WRNIP1: variants seen among roughly 807,000 people sequenced by gnomAD.
The protein encoded by WRNIP1 is WRN helicase interacting protein 1.
A neutral mutation model predicts 56.1 loss-of-function variants in WRNIP1; 41 were observed. The ratio of observed to expected loss-of-function variants is 0.73; its 90% CI spans 0.57 to 0.95. The LOEUF is 0.95. Among genes scored for constraint, WRNIP1 ranks in the 40% least tolerant of loss-of-function variants. WRNIP1 has a pLI of 0.00. For missense variants in WRNIP1, 1,170 were observed against 939.4 expected (o/e 1.25, Z -3.21); for synonymous variants, 547 against 398.1 (o/e 1.37, Z -4.45).
intron 1 of WRNIP1, 40 bp downstream of exon 1, chr6:2,766,484 C>A: frequency 6.8e-7 from 1 of 1,461,154 alleles, no homozygotes; most frequent in South Asian, 1.4e-5. Flanking sequence ...GTAGTTATCT[C>A]GGCGGTGGAT....
chr6:2,784,943 G>A (rs1033810312), intron 6 of WRNIP1, 64 bp from the exon 7 acceptor site: 49 of 1,581,278 alleles, frequency 3.1e-5, no homozygotes, highest in Non-Finnish European at 4.0e-5. Context: ...TGTATCAGAA[G>A]GGGCTCTGCA....
intron 6 of WRNIP1, 99 bp downstream of exon 6, chr6:2,784,502 T>C: frequency 8.0e-7 from 1 of 1,244,318 alleles, no homozygotes; most frequent in African/African-American, 1.5e-5. Flanking sequence ...ACCATTGGTG[T>C]ATTGGACCCA....
rs780851905 is a variant in WRNIP1, at chr6:2,785,722, A to C, written c.*440A>C. ...TTTTTTTATATGCAAAGGTCTTACG[A>C]GCCAATAAAACTATTTCAAAGTACT... On this transcript the variant is annotated 3_prime_UTR_variant, in exon 7 of 7. Transcript: ENST00000380773. The C allele has an allele frequency of 1.2e-5, 2 of 164,146 alleles. No individual in the cohort carries two copies. The highest frequency in any genetic ancestry group is 2.7e-5 in the Non-Finnish European group (2 of 75,080). The allele number at this position is 164,146 out of a possible 1,614,324, so 10.2% of individuals were successfully genotyped here.
At chr6:2,768,959 G>A (rs1299829727) in intron 2 of WRNIP1, 77 bp downstream of exon 2, 1 of 1,411,950 alleles carries the variant, frequency 7.1e-7, no homozygotes, top group Non-Finnish European at 9.6e-7. Flanking sequence ...CTATACAAAC[G>A]CTAGAGACTT....
chr6:2,769,433 T>G (rs1013899345), intron 2 of WRNIP1, among the ~76,000 whole-genome samples: 1 of 152,070 alleles, frequency 6.6e-6, no homozygotes, highest in Non-Finnish European at 1.5e-5. Context: ...CATTAAAATT[T>G]TATTGGGCTG....
chr6:2,766,137 GC>G lies in WRNIP1; in HGVS notation c.516del (p.Asp173MetfsTer109), dbSNP rs1313793117. ...GAGGAGGAGGAGGCCGTGGGCGACG[GC>G]GATGGCGACGGGGACGCGGACGCGG... is the stretch of plus-strand genomic sequence containing the variant. ...AQEEEEAVGDGDGDGDADADG... is the reference protein window; with the variant it reads ...AQEEEEAVGDXDGDGDADADG... On this transcript the variant is annotated frameshift_variant, in exon 1 of 7. Transcript: ENST00000380773. LOFTEE classifies it high-confidence loss of function. 8.1e-7 allele frequency: 1 copy of G among 1,241,114 alleles called. No individual in the cohort carries two copies. The highest frequency in any genetic ancestry group is 1.0e-6 in the Non-Finnish European group (1 of 971,072). 76.9% of individuals were successfully genotyped at this position (1,241,114 alleles called of 1,614,324 possible).
At chr6:2,782,107 G>T (rs113814769) in intron 4 of WRNIP1, among the ~76,000 whole-genome samples, 4 of 152,224 alleles carry the variant, frequency 2.6e-5, no homozygotes, top group Admixed American at 6.5e-5. Flanking sequence ...GTTTAGCCAG[G>T]CCTGTTACCT....
chr6:2,766,141 T>TGGCGAC lies in WRNIP1; in HGVS notation c.522_527dup (p.Gly176_Asp177dup), dbSNP rs1410218608. The stretch of plus-strand genomic sequence containing the variant: ...AGGAGGAGGCCGTGGGCGACGGCGA[T>TGGCGAC]GGCGACGGGGACGCGGACGCGGACG... On this transcript the variant is annotated inframe_insertion, in exon 1 of 7. Coordinates refer to ENST00000380773, the MANE Select transcript of WRNIP1 (RefSeq NM_020135.3). 6.4e-6 allele frequency: 8 copies of TGGCGAC among 1,241,178 alleles called. No individual in the cohort carries two copies. In the African/African-American group the frequency reaches 9.4e-5, roughly 15 times the overall value. 76.9% of individuals were successfully genotyped at this position (1,241,178 alleles called of 1,614,324 possible).
intron 3 of WRNIP1, among the ~76,000 whole-genome samples, chr6:2,772,485 A>G (rs1181623626): frequency 6.6e-6 from 1 of 152,230 alleles, no homozygotes; most frequent in Non-Finnish European, 1.5e-5. Flanking sequence ...TTGGAAATGA[A>G]TAAATCCTAG....
At chr6:2,778,986 C>T (rs900685220) in intron 3 of WRNIP1, among the ~76,000 whole-genome samples, 20 of 152,294 alleles carry the variant, frequency 1.3e-4, no homozygotes, top group African/African-American at 4.8e-4. Flanking sequence ...CTTTCCAGGC[C>T]AGTCAGTGTC....
intron 2 of WRNIP1, 124 bp downstream of exon 2, chr6:2,769,006 C>A: frequency 1.1e-6 from 1 of 915,642 alleles, no homozygotes; most frequent in South Asian, 2.1e-5. Context: ...GGCTTGTGAA[C>A]CCATCTCCTT....
Position 2,785,147 on chromosome 6 carries a change from G to T in WRNIP1, c.1863G>T (p.Ala621=). The change falls in exon 7 of 7, where the codon GCG becomes GCT. Residue 621 remains alanine (A), a synonymous_variant. Transcript: ENST00000380773. ...LPPVPLHLRN[A]PTRLMKDLGY... is the part of the protein sequence containing the mutation. ...CCGTGCCCCTGCACCTGAGGAACGC[G>T]CCCACTAGGCTGATGAAGGATTTGG... The T allele has an allele frequency of 4.3e-6, 7 of 1,614,180 alleles. No individual in the cohort carries two copies. The highest frequency in any genetic ancestry group is 5.9e-6 in the Non-Finnish European group (7 of 1,180,036).
intron 4 of WRNIP1, among the ~76,000 whole-genome samples, chr6:2,780,425 G>C (rs1411111980): frequency 1.3e-5 from 2 of 152,296 alleles, no homozygotes; most frequent in African/African-American, 2.4e-5. Context: ...CATGACCTAG[G>C]GGGGCTGACC....
At chr6:2,773,976 C>T in intron 3 of WRNIP1, 1 of 985,274 alleles carries the variant, frequency 1.0e-6, no homozygotes, top group South Asian at 4.7e-5. Flanking sequence ...AGGAGAGCCC[C>T]TGACAAGCTG....
chr6:2,772,726 G>A (rs952923703), intron 3 of WRNIP1, among the ~76,000 whole-genome samples: 1 of 152,200 alleles, frequency 6.6e-6, no homozygotes, highest in African/African-American at 2.4e-5. Flanking sequence ...ACTCTTACAA[G>A]TGATTTCCGA....
At chr6:2,783,260 C>T (rs777621302) in intron 4 of WRNIP1, 146 bp from the exon 5 acceptor site, 49 of 810,968 alleles carry the variant, frequency 6.0e-5, no homozygotes, top group South Asian at 2.2e-4. Context: ...ACTCAGAGCA[C>T]GGTTAAGGCA....
chr6:2,765,882 C>T lies in WRNIP1; in HGVS notation c.260C>T (p.Thr87Met), dbSNP rs757337410. Residue 87 changes from threonine (T) to methionine (M), a missense_variant, in exon 1 of 7, where the codon ACG becomes ATG. Coordinates refer to ENST00000380773, the MANE Select transcript of WRNIP1 (RefSeq NM_020135.3). The part of the protein sequence containing the change: ...SSALKQPATP[T>M]AAESSEGEGE... ...GCGCTGAAGCAGCCAGCCACCCCGA[C>T]GGCAGCCGAGAGCAGCGAGGGCGAG... 2.4e-5 allele frequency: 35 copies of T among 1,449,944 alleles called. No homozygotes were observed. Among genetic ancestry groups the T allele is most frequent in the Middle Eastern group, 2.4e-4 (1 of 4,158 alleles). 89.8% of individuals were successfully genotyped at this position (1,449,944 alleles called of 1,614,324 possible). A position where few individuals can be genotyped will look rare whatever the true frequency, so the allele number is the denominator to read the frequency against.
intron 3 of WRNIP1, among the ~76,000 whole-genome samples, chr6:2,771,325 T>G (rs938971115): frequency 6.6e-6 from 1 of 152,234 alleles, no homozygotes; most frequent in Non-Finnish European, 1.5e-5. Flanking sequence ...AATTCTGCTG[T>G]GTCTAATGAA....
At position 2,779,442 on chromosome 6, in the gene WRNIP1, A is replaced by C. The variant is rs750803083; in HGVS notation, c.1436A>C (p.Asn479Thr). The C allele has an allele frequency of 3.1e-6, 5 of 1,614,238 alleles. No individual in the cohort carries two copies. The South Asian group carries it at 5.5e-5, about 18-fold the overall frequency. ...YSPSRVLITE[N>T]DVKEGLQRSH... ...CCCAGTAGAGTTCTGATCACAGAGA[A>C]TGACGTGAAGGAGGGCCTACAGCGA... is the stretch of plus-strand genomic sequence containing the variant. The change falls in exon 4 of 7, where the codon AAT becomes ACT. Residue 479 changes from asparagine to threonine, a missense_variant. Asn to Thr is a moderately conservative substitution (Grantham distance 65). Transcript: ENST00000380773.
Sources: allele counts gnomAD v4.1 joint callset (sites outside exome capture counted in the v4.1 genomes callset), GRCh38; gene constraint gnomAD v4.1.1; transcripts MANE v1.5; gene names NCBI Gene and HGNC (gene_info 2026-07-23, HGNC 2026-07-21).